Variants in METTL13 observed in about 807,000 individuals in gnomAD.
METTL13 encodes eEF1A lysine and N-terminal methyltransferase.
Under a neutral mutation model 67.4 loss-of-function variants are expected in METTL13, and 52 were observed. The observed-to-expected ratio is 0.77, with a 90% CI of 0.62 to 0.97. METTL13 has a LOEUF of 0.97. Among genes scored for constraint, METTL13 ranks in the 50% least tolerant of loss-of-function variants. METTL13 has a pLI of 0.00. For missense variants in METTL13, 825 were observed against 889.6 expected (o/e 0.93, Z 0.92); for synonymous variants, 354 against 353.6 (o/e 1.00, Z -0.01).
At position 171,782,015 on chromosome 1, in the gene METTL13, T is replaced by C. The variant is rs778311003; in HGVS notation, c.48T>C (p.Tyr16=). 2 of 1,613,922 alleles carry C rather than the reference T, an allele frequency of 1.2e-6. No homozygotes were observed. Among genetic ancestry groups the C allele is most frequent in the African/African-American group, 1.3e-5 (1 of 74,846 alleles). ...CCAGGGAGTTTGGCTCCGTTGACTA[T>C]TGGGAGAAGTTCTTCCAGCAGCGAG... is the stretch of plus-strand genomic sequence containing the variant. ...KSSREFGSVD[Y]WEKFFQQRGK... The change falls in exon 1 of 8, where the codon TAT becomes TAC. Residue 16 remains tyrosine (Y), a synonymous_variant. Coordinates refer to ENST00000361735, the MANE Select transcript of METTL13 (RefSeq NM_015935.5).
intron 4 of METTL13, among the ~76,000 whole-genome samples, chr1:171,789,454 A>C (rs1657128995): frequency 1.3e-5 from 2 of 152,208 alleles, no homozygotes; most frequent in African/African-American, 4.8e-5. Context: ...GTGGCATAGC[A>C]GAAAGATGAT....
chr1:171,786,371 G>C (rs762314776), intron 3 of METTL13, among the ~76,000 whole-genome samples: 1 of 152,150 alleles, frequency 6.6e-6, no homozygotes, highest in Non-Finnish European at 1.5e-5. Context: ...AATTTGAGTT[G>C]CTCTGACTGT....
chr1:171,789,849 A>T (rs10913685), intron 4 of METTL13, among the ~76,000 whole-genome samples: 6 of 108,792 alleles, frequency 5.5e-5, no homozygotes, highest in African/African-American at 1.8e-4. Flanking sequence ...GGGGCGGGGT[A>T]GGGGGGGCAC....
intron 1 of METTL13, 67 bp downstream of exon 1, chr1:171,782,187 T>C: frequency 7.2e-7 from 1 of 1,383,944 alleles, no homozygotes; most frequent in Non-Finnish European, 1.0e-6. Context: ...ACAGGAATCT[T>C]GCACTTGGTG....
Position 171,783,935 on chromosome 1 carries a change from G to A in METTL13, c.349G>A (p.Val117Met). The change falls in exon 2 of 8, where the codon GTG (valine) becomes ATG (methionine). Residue 117 changes from valine (V) to methionine (M), a missense_variant. Coordinates refer to ENST00000361735, the MANE Select transcript of METTL13 (RefSeq NM_015935.5). ...QMEFPDASFQ[V>M]VLDKGTLDAV... Reference sequence around the variant, plus strand: ...GGAGTTTCCTGATGCCTCGTTCCAGGTGGTGTTGGACAAGGGCACCCTGGA... The same window carrying A: ...GGAGTTTCCTGATGCCTCGTTCCAGATGGTGTTGGACAAGGGCACCCTGGA... The A allele has an allele frequency of 6.2e-7, 1 of 1,614,242 alleles. No homozygotes were observed. Among genetic ancestry groups the A allele is most frequent in the East Asian group, 2.2e-5 (1 of 44,884 alleles).
At chr1:171,782,497 G>A (rs1008485862) in intron 1 of METTL13, among the ~76,000 whole-genome samples, 1 of 152,008 alleles carries the variant, frequency 6.6e-6, no homozygotes, top group Non-Finnish European at 1.5e-5. Flanking sequence ...GAGCCCAGGA[G>A]GTCGAGGCTG....
Position 171,790,564 on chromosome 1 carries a change from C to G in METTL13, c.1422C>G (p.His474Gln). ...AGAGTTACCTGTGTTGTGAACACCA[C>G]AAAGCCATGATCGCTGGCCTTGCCC... ...IDKSYLCCEH[H>Q]KAMIAGLALL... Residue 474 changes from histidine (H) to glutamine (Q), a missense_variant, in exon 5 of 8, where the codon CAC (histidine) becomes CAG (glutamine). By Grantham distance (24) the His-to-Gln change is conservative (BLOSUM62 0). Coordinates refer to ENST00000361735, the MANE Select transcript of METTL13 (RefSeq NM_015935.5). 1 of 1,608,780 alleles carries G rather than the reference C, an allele frequency of 6.2e-7. No individual in the cohort carries two copies.
intron 4 of METTL13, among the ~76,000 whole-genome samples, chr1:171,788,344 A>G (rs1047036608): frequency 6.6e-6 from 1 of 152,182 alleles, no homozygotes; most frequent in Non-Finnish European, 1.5e-5. Flanking sequence ...GCCTTCTAGT[A>G]TACCACTGTT....
At position 171,796,774 on chromosome 1, in the gene METTL13, C is replaced by G. The variant is rs748957413; in HGVS notation, c.*18C>G. 5 of 1,611,000 alleles carry G rather than the reference C, an allele frequency of 3.1e-6. No homozygotes were observed. Among genetic ancestry groups the G allele is most frequent in the Non-Finnish European group, 4.2e-6 (5 of 1,178,522 alleles). On this transcript the variant is annotated 3_prime_UTR_variant, in exon 8 of 8. Coordinates refer to ENST00000361735, the MANE Select transcript of METTL13 (RefSeq NM_015935.5). ...TTGTGTGACTGCTTAGGCCAAGCAGCCCTCCTGCCTAGACTGACCTTGGAC... is the reference window on the plus strand; with the variant it reads ...TTGTGTGACTGCTTAGGCCAAGCAGGCCTCCTGCCTAGACTGACCTTGGAC...
chr1:171,791,515 G>A (rs909387935), intron 5 of METTL13, among the ~76,000 whole-genome samples: 1 of 151,954 alleles, frequency 6.6e-6, no homozygotes. Context: ...ATTTACTCTT[G>A]CCCAGGCTGG....
intron 3 of METTL13, among the ~76,000 whole-genome samples, chr1:171,786,536 G>C (rs1012182891): frequency 5.3e-5 from 8 of 152,216 alleles, no homozygotes; most frequent in African/African-American, 1.9e-4. Context: ...GGAAACCGAA[G>C]GTTTTTGCCT....
In METTL13 at chr1:171,784,303, C is replaced by A. The variant is rs373283423; in HGVS notation, c.717C>A (p.Ala239=). 1 of 1,608,840 alleles carries A rather than the reference C, an allele frequency of 6.2e-7. No homozygotes were observed. The highest frequency in any genetic ancestry group is 1.1e-5 in the South Asian group (1 of 90,692). ...EQRKPVRLES[A]ERLAEAVQER... is the part of the protein sequence containing the mutation. Reference sequence around the variant, plus strand: ...GCAAGCCTGTGCGGCTGGAGAGTGCCGAGCGGCTGGCCGAGGCGGTGCAGG... The same window carrying A: ...GCAAGCCTGTGCGGCTGGAGAGTGCAGAGCGGCTGGCCGAGGCGGTGCAGG... Residue 239 remains alanine (A), a synonymous_variant, in exon 2 of 8, where the codon GCC becomes GCA. Transcript: ENST00000361735.
intron 1 of METTL13, among the ~76,000 whole-genome samples, chr1:171,782,489 G>A (rs530691845): frequency 6.6e-6 from 1 of 151,944 alleles, no homozygotes; most frequent in South Asian, 2.1e-4. Context: ...GATCGCTTGA[G>A]CCCAGGAGGT....
chr1:171,791,188 T>C (rs1395013071), intron 5 of METTL13, among the ~76,000 whole-genome samples: 1 of 152,220 alleles, frequency 6.6e-6, no homozygotes, highest in Non-Finnish European at 1.5e-5. Flanking sequence ...TCTCAGTTCT[T>C]AGATTTAATT....
intron 6 of METTL13, 62 bp from the exon 7 acceptor site, chr1:171,794,334 G>A (rs1657296669): frequency 1.2e-6 from 2 of 1,607,994 alleles, no homozygotes; most frequent in Non-Finnish European, 8.5e-7. Flanking sequence ...GTATAGTGTT[G>A]GAATGTAAAT....
Position 171,781,954 on chromosome 1 carries a change from T to C in METTL13, c.-14T>C, listed in dbSNP as rs746590386. The C allele has an allele frequency of 6.2e-7, 1 of 1,613,856 alleles. No homozygotes were observed. The highest frequency in any genetic ancestry group is 2.2e-5 in the East Asian group (1 of 44,882). On this transcript the variant is annotated 5_prime_UTR_variant, in exon 1 of 8. Coordinates refer to ENST00000361735, the MANE Select transcript of METTL13 (RefSeq NM_015935.5). ...ATAGGGGAGTCTTGAAAACGCAGCT[T>C]CGGCAGTAGGAACATGAACCTCTTA...
intron 3 of METTL13, among the ~76,000 whole-genome samples, chr1:171,787,130 C>T (rs1323347414): frequency 6.6e-6 from 1 of 151,986 alleles, no homozygotes; most frequent in East Asian, 1.9e-4. Context: ...TCACCAGTGC[C>T]TGAGTCTGCA....
chr1:171,784,743 T>C (rs1238224576), intron 2 of METTL13, among the ~76,000 whole-genome samples: 2 of 152,194 alleles, frequency 1.3e-5, no homozygotes, highest in Non-Finnish European at 2.9e-5. Flanking sequence ...TTGCAAAGGC[T>C]TGATGAAGTG....
chr1:171,793,758 C>T (rs1240824845), intron 6 of METTL13, among the ~76,000 whole-genome samples: 1 of 152,226 alleles, frequency 6.6e-6, no homozygotes, highest in Non-Finnish European at 1.5e-5. Flanking sequence ...TGAGTCAGCT[C>T]TTGTTCATGG....
Sources: allele counts gnomAD v4.1 joint callset (sites outside exome capture counted in the v4.1 genomes callset), GRCh38; gene constraint gnomAD v4.1.1; transcripts MANE v1.5; gene names NCBI Gene and HGNC (gene_info 2026-07-23, HGNC 2026-07-21).